PLXDC2: variants seen among roughly 807,000 people sequenced by gnomAD.
PLXDC2 encodes the protein plexin domain containing 2.
Under a neutral mutation model 68.9 loss-of-function variants are expected in PLXDC2, and 40 were observed. That is an observed-to-expected ratio of 0.58 (90% CI 0.45 to 0.76). The LOEUF is 0.76. Ranked by LOEUF, PLXDC2 falls within the 30% of genes least tolerant of loss-of-function variation. PLXDC2 has a pLI of 0.00. For synonymous variants in PLXDC2, 243 were observed against 234.2 expected, an observed-to-expected ratio of 1.04 and a Z score of -0.34; for missense variants, 644 against 661.9, an observed-to-expected ratio of 0.97 and a Z score of 0.30.
intron 7 of PLXDC2, among the ~76,000 whole-genome samples, chr10:20,173,259 C>T (rs769448405): frequency 3.3e-5 from 5 of 152,162 alleles, no homozygotes; most frequent in African/African-American, 4.8e-5. Context: ...GCATTGGCAA[C>T]ACATAAATAG....
chr10:20,123,352 C>T (rs1359463549), intron 4 of PLXDC2, among the ~76,000 whole-genome samples: 1 of 152,076 alleles, frequency 6.6e-6, no homozygotes, highest in East Asian at 1.9e-4. Context: ...GCATTGGGAA[C>T]AGAGACTAGA....
chr10:20,054,686 C>T (rs537173813), intron 3 of PLXDC2, among the ~76,000 whole-genome samples: 21 of 152,068 alleles, frequency 1.4e-4, no homozygotes, highest in Non-Finnish European at 2.8e-4. Flanking sequence ...GGGAACATCA[C>T]ACACCGGGGC....
intron 9 of PLXDC2, among the ~76,000 whole-genome samples, chr10:20,181,993 T>C (rs1834611093): frequency 6.6e-6 from 1 of 151,462 alleles, no homozygotes; most frequent in African/African-American, 2.4e-5. Context: ...GGTATGATAG[T>C]AACTTGGACG....
At chr10:20,014,074 A>G (rs1010589099) in intron 2 of PLXDC2, among the ~76,000 whole-genome samples, 143 of 152,226 alleles carry the variant, frequency 9.4e-4, no homozygotes, top group African/African-American at 3.3e-3. Context: ...TTTTAGAGAA[A>G]TCTTTTACAT....
At chr10:20,268,626 T>G (rs1342455470) in intron 13 of PLXDC2, among the ~76,000 whole-genome samples, 1 of 152,132 alleles carries the variant, frequency 6.6e-6, no homozygotes, top group Non-Finnish European at 1.5e-5. Context: ...ATTCCTAGGG[T>G]CACTGCTGAT....
intron 1 of PLXDC2, among the ~76,000 whole-genome samples, chr10:19,903,247 T>C (rs1838187828): frequency 6.6e-6 from 1 of 152,090 alleles, no homozygotes; most frequent in South Asian, 2.1e-4. Context: ...GTCAATAGCA[T>C]TGGTACCAAT....
At chr10:19,855,216 C>G (rs1837189980) in intron 1 of PLXDC2, among the ~76,000 whole-genome samples, 1 of 121,492 alleles carries the variant, frequency 8.2e-6, no homozygotes, top group Non-Finnish European at 1.7e-5. Context: ...AATTAAAACT[C>G]AAATACGATT....
At chr10:20,279,508 C>T (rs1363227662) in intron 13 of PLXDC2, among the ~76,000 whole-genome samples, 195 bp from the exon 14 acceptor site, 1 of 151,996 alleles carries the variant, frequency 6.6e-6, no homozygotes, top group Non-Finnish European at 1.5e-5. Flanking sequence ...GTAGATAGCG[C>T]CATCTTGGAA....
chr10:20,237,604 T>C (rs1434425662), intron 12 of PLXDC2, among the ~76,000 whole-genome samples: 1 of 152,234 alleles, frequency 6.6e-6, no homozygotes, highest in Non-Finnish European at 1.5e-5. Context: ...ATGCTTTAGC[T>C]TGTAAATGGG....
intron 1 of PLXDC2, among the ~76,000 whole-genome samples, chr10:19,902,390 CT>C (rs1317701553): frequency 1.3e-5 from 2 of 152,054 alleles, no homozygotes; most frequent in African/African-American, 4.8e-5. Flanking sequence ...CTTTGACCTC[CT>C]TGGTAAGGTA....
At chr10:20,179,541 C>G (rs1834573961) in intron 9 of PLXDC2, among the ~76,000 whole-genome samples, 1 of 152,012 alleles carries the variant, frequency 6.6e-6, no homozygotes, top group Non-Finnish European at 1.5e-5. Flanking sequence ...CCCCCCTAAC[C>G]AGAAGACAAT....
At chr10:20,017,760 A>G (rs1589588543) in intron 2 of PLXDC2, among the ~76,000 whole-genome samples, 1 of 152,224 alleles carries the variant, frequency 6.6e-6, no homozygotes, top group African/African-American at 2.4e-5. Flanking sequence ...TCATTCTCGT[A>G]TTTAAAGATG....
rs552196010 is a variant in PLXDC2 at position 19,910,936 on chromosome 10, G to A, written c.113-90839G>A. Reference sequence around the variant, plus strand: ...GAGGCAGAGAATCGCTTGAACCTGGGAGGCAAAGGTTGCAGTGAGCTGAGA... The same window carrying A: ...GAGGCAGAGAATCGCTTGAACCTGGAAGGCAAAGGTTGCAGTGAGCTGAGA... On this transcript the variant is annotated intron_variant, in intron 1 of 13. Transcript: ENST00000377252. Among the ~76,000 whole-genome samples the A allele has an allele frequency of 2.0e-5, 3 of 152,226 alleles. No individual in the cohort carries two copies. In the South Asian group the frequency reaches 6.2e-4, roughly 32 times the overall value.
At chr10:20,232,523 A>G (rs1835378591) in intron 12 of PLXDC2, among the ~76,000 whole-genome samples, 1 of 152,220 alleles carries the variant, frequency 6.6e-6, no homozygotes, top group Admixed American at 6.5e-5. Context: ...TGCATGTTAC[A>G]CAAGGGGTTA....
At chr10:20,013,601 T>A (rs769471553) in intron 2 of PLXDC2, among the ~76,000 whole-genome samples, 1 of 152,218 alleles carries the variant, frequency 6.6e-6, no homozygotes, top group Non-Finnish European at 1.5e-5. Context: ...TTACTAGTTC[T>A]GTCATTTAAA....
intron 2 of PLXDC2, among the ~76,000 whole-genome samples, chr10:20,007,851 C>T (rs942153100): frequency 6.6e-6 from 1 of 152,146 alleles, no homozygotes; most frequent in East Asian, 1.9e-4. Context: ...ATTTAGGTGC[C>T]TGCCAACAGT....
intron 4 of PLXDC2, among the ~76,000 whole-genome samples, chr10:20,142,270 C>T (rs1834016772): frequency 6.6e-6 from 1 of 152,038 alleles, no homozygotes; most frequent in Non-Finnish European, 1.5e-5. Context: ...TGTCGGGTAT[C>T]TAATTAACTG....
At chr10:19,918,969 G>T (rs939202976) in intron 1 of PLXDC2, among the ~76,000 whole-genome samples, 53 of 152,192 alleles carry the variant, frequency 3.5e-4, no homozygotes, top group Admixed American at 3.9e-4. Flanking sequence ...ATCCTGTGAG[G>T]TCTGTCTCCC....
intron 1 of PLXDC2, among the ~76,000 whole-genome samples, chr10:19,836,502 C>CA (rs534640102): frequency 5.8e-4 from 88 of 152,278 alleles, no homozygotes; most frequent in African/African-American, 1.8e-3. Flanking sequence ...TAGATGATAT[C>CA]ACGTTTTATG....
Sources: gnomAD v4.1 joint callset for allele counts (sites outside exome capture counted in the v4.1 genomes callset) on GRCh38, gnomAD v4.1.1 for gene constraint, MANE v1.5 for transcripts, NCBI Gene and HGNC (gene_info 2026-07-23, HGNC 2026-07-21) for gene names.